The following BMF variants were observed in gnomAD, a reference collection of about 807,000 sequenced individuals.
BMF encodes the protein Bcl2 modifying factor, also known as bcl-2-modifying factor.
In BMF, 10 loss-of-function variants were observed where a neutral mutation model predicts 22.0. That is an observed-to-expected ratio of 0.45 (90% CI 0.28 to 0.77). The LOEUF (loss-of-function observed/expected upper bound fraction) is 0.77, where lower values mean the gene tolerates loss of function less well. Among genes scored for constraint, BMF ranks in the 30% least tolerant of loss-of-function variants. The pLI, the probability that BMF is intolerant of heterozygous loss-of-function variation, is 0.13. For synonymous variants in BMF, 87 were observed against 88.1 expected (o/e 0.99, Z 0.07); for missense variants, 206 against 226.8 (o/e 0.91, Z 0.59).
chr15:40,100,164 T>C (rs1297980676), intron 4 of BMF, among the ~76,000 whole-genome samples: 2 of 152,188 alleles, frequency 1.3e-5, no homozygotes, highest in African/African-American at 2.4e-5. Context: ...CCAAATGTCA[T>C]GATGGGCCAC....
intron 4 of BMF, among the ~76,000 whole-genome samples, chr15:40,100,991 GCCT>G (rs1375506514): frequency 3.3e-5 from 5 of 152,278 alleles, no homozygotes; most frequent in Non-Finnish European, 4.4e-5. Flanking sequence ...TGACGGTCAG[GCCT>G]CCTCAAGTCC....
intron 1 of BMF, 108 bp from the exon 2 acceptor site, chr15:40,108,494 G>GT (rs1177528507): frequency 6.5e-6 from 1 of 152,692 alleles, no homozygotes; most frequent in Non-Finnish European, 1.5e-5. Context: ...GGGCGCCCAG[G>GT]TCTGCTCAGC....
At chr15:40,102,593 T>G (rs2036502097) in intron 4 of BMF, among the ~76,000 whole-genome samples, 1 of 152,066 alleles carries the variant, frequency 6.6e-6, no homozygotes, top group Non-Finnish European at 1.5e-5. Context: ...GGGAATATTC[T>G]GGGGAATAAC....
chr15:40,103,959 G>A (rs1472876303), intron 4 of BMF, among the ~76,000 whole-genome samples: 1 of 152,194 alleles, frequency 6.6e-6, no homozygotes, highest in Non-Finnish European at 1.5e-5. Flanking sequence ...TATGGAACAT[G>A]AATTGAGACT....
intron 3 of BMF, among the ~76,000 whole-genome samples, chr15:40,105,119 C>T (rs1210708713): frequency 2.0e-5 from 3 of 152,222 alleles, no homozygotes; most frequent in Non-Finnish European, 2.9e-5. Context: ...TCAATCAGCT[C>T]GTCAGACACA....
In BMF at chr15:40,106,099, G is replaced by A. The variant is rs1459424068; in HGVS notation, c.-5-8C>T. On this transcript the variant is annotated splice_polypyrimidine_tract_variant and splice_region_variant and intron_variant, in intron 2 of 4. Transcript: ENST00000354670. This position sits in a 1 kb window ranked among gnomAD's most constrained non-coding sequence, Gnocchi z 4.1. ...GAGATGGCTCCATCTCTCCTGTGAG[G>A]GGGCAACGCAGGCATCTGGGCTGCT... 5.1e-6 allele frequency: 8 copies of A among 1,581,962 alleles called. No homozygotes were observed. The East Asian group carries it at 1.1e-4, about 22-fold the overall frequency.
chr15:40,091,394 A>G lies in BMF; in HGVS notation c.*393T>C, dbSNP rs964471845. The G allele has an allele frequency of 1.2e-5, 2 of 164,980 alleles. No individual in the cohort carries two copies. The highest frequency in any genetic ancestry group is 2.6e-5 in the Non-Finnish European group (2 of 75,760). 10.2% of individuals were successfully genotyped at this position (164,980 alleles called of 1,614,324 possible). ...ATAGGTTTGGTGGAACTGGGAGTCT[A>G]ATCCACTCTCGATTTCTTAACTGAG... is the stretch of plus-strand genomic sequence containing the variant. On this transcript the variant is annotated 3_prime_UTR_variant, in exon 5 of 5. Coordinates refer to ENST00000354670, the MANE Select transcript of BMF (RefSeq NM_001003940.2).
intron 4 of BMF, among the ~76,000 whole-genome samples, chr15:40,101,972 T>G (rs930929673): frequency 1.3e-5 from 2 of 152,158 alleles, no homozygotes; most frequent in African/African-American, 4.8e-5. Context: ...TGGGAGCCAG[T>G]GTGGAGTAAG....
Position 40,091,664 on chromosome 15 carries a change from A to C in BMF, c.*123T>G. 1 of 762,940 alleles carries C rather than the reference A, an allele frequency of 1.3e-6. No individual in the cohort carries two copies. Among genetic ancestry groups the C allele is most frequent in the Non-Finnish European group, 2.1e-6 (1 of 469,744 alleles). The allele number at this position is 762,940 out of a possible 1,614,324, so 47.3% of individuals were successfully genotyped here. On this transcript the variant is annotated 3_prime_UTR_variant, in exon 5 of 5. Coordinates refer to ENST00000354670, the MANE Select transcript of BMF (RefSeq NM_001003940.2). ...ATGTACACTCAGAGAGAAATTAAAA[A>C]AAATTAAAACACAAAATAACAACAA... is the stretch of plus-strand genomic sequence containing the variant.
At chr15:40,101,730 C>T (rs2036479758) in intron 4 of BMF, among the ~76,000 whole-genome samples, 1 of 152,172 alleles carries the variant, frequency 6.6e-6, no homozygotes, top group Non-Finnish European at 1.5e-5. Context: ...TTAGCCCTTC[C>T]TGCAGGATGA....
At chr15:40,102,643 C>T (rs954418864) in intron 4 of BMF, among the ~76,000 whole-genome samples, 1 of 152,076 alleles carries the variant, frequency 6.6e-6, no homozygotes, top group African/African-American at 2.4e-5. Flanking sequence ...AAGCAAGCTG[C>T]CTTCCACGGA....
chr15:40,103,030 G>T (rs973583832), intron 4 of BMF, among the ~76,000 whole-genome samples: 2 of 152,146 alleles, frequency 1.3e-5, no homozygotes, highest in Non-Finnish European at 2.9e-5. Context: ...TATGTAACCC[G>T]CAATGTCCTG....
chr15:40,102,605 G>C (rs746746915), intron 4 of BMF, among the ~76,000 whole-genome samples: 1 of 152,016 alleles, frequency 6.6e-6, no homozygotes, highest in Non-Finnish European at 1.5e-5. Flanking sequence ...GGGAATAACT[G>C]GTGAAAGAGA....
intron 4 of BMF, among the ~76,000 whole-genome samples, chr15:40,093,648 G>A (rs1183711091): frequency 1.3e-5 from 2 of 152,206 alleles, no homozygotes; most frequent in Non-Finnish European, 2.9e-5. Context: ...GGAGAATCCA[G>A]GAGCAGACTC....
At chr15:40,107,533 AGT>A (rs58296260) in intron 2 of BMF, among the ~76,000 whole-genome samples, 10,405 of 137,392 alleles carry the variant, frequency 0.076, 531 homozygotes, top group East Asian at 0.3. Context: ...GTGTTTCCCA[AGT>A]GTGTGTGTGT....
At chr15:40,100,713 A>C (rs1251594496) in intron 4 of BMF, among the ~76,000 whole-genome samples, 1 of 152,236 alleles carries the variant, frequency 6.6e-6, no homozygotes, top group African/African-American at 2.4e-5. Flanking sequence ...CTGAAAGTGC[A>C]GATGGCCCAC....
chr15:40,089,926 G>C lies in BMF; in HGVS notation c.*1861C>G, dbSNP rs2036202676. ...AAAGCAGGAACCCGTCTTCTTAGCAGACAAATCATGGTACACACCCTGAGA... is the reference window on the plus strand; with the variant it reads ...AAAGCAGGAACCCGTCTTCTTAGCACACAAATCATGGTACACACCCTGAGA... On this transcript the variant is annotated 3_prime_UTR_variant, in exon 5 of 5. Coordinates refer to ENST00000354670, the MANE Select transcript of BMF (RefSeq NM_001003940.2). 2 of 152,670 alleles carry C rather than the reference G, an allele frequency of 1.3e-5. No individual in the cohort carries two copies. The highest frequency in any genetic ancestry group is 4.8e-5 in the African/African-American group (2 of 41,466). The allele number at this position is 152,670 out of a possible 1,614,324, so 9.5% of individuals were successfully genotyped here.
rs1039303981 is a variant in BMF at position 40,091,234 on chromosome 15, C to G, written c.*553G>C. The G allele has an allele frequency of 6.5e-6, 1 of 152,838 alleles. No homozygotes were observed. The highest frequency in any genetic ancestry group is 2.4e-5 in the African/African-American group (1 of 41,436). The allele number at this position is 152,838 out of a possible 1,614,324, so 9.5% of individuals were successfully genotyped here. Reference sequence around the variant, plus strand: ...GCAGGTACTGGCTGAGAAGTAAGAACCCAGTCAGATGTGGAGCTGGCCGGC... The same window carrying G: ...GCAGGTACTGGCTGAGAAGTAAGAAGCCAGTCAGATGTGGAGCTGGCCGGC... On this transcript the variant is annotated 3_prime_UTR_variant, in exon 5 of 5. Transcript: ENST00000354670.
At position 40,090,376 on chromosome 15, in the gene BMF, T is replaced by C. The variant is rs775157273; in HGVS notation, c.*1411A>G. The C allele has an allele frequency of 1.3e-5, 2 of 152,704 alleles. No homozygotes were observed. The highest frequency in any genetic ancestry group is 2.9e-5 in the Non-Finnish European group (2 of 68,062). 9.5% of individuals were successfully genotyped at this position (152,704 alleles called of 1,614,324 possible). A position where few individuals can be genotyped will look rare whatever the true frequency, so the allele number is the denominator to read the frequency against. On this transcript the variant is annotated 3_prime_UTR_variant, in exon 5 of 5. Transcript: ENST00000354670. Reference sequence around the variant, plus strand: ...TTTGTCCAGGGAAGCCGTCTTTCCTTTGGGCCTTACTTCACTGTTAGCACC... The same window carrying C: ...TTTGTCCAGGGAAGCCGTCTTTCCTCTGGGCCTTACTTCACTGTTAGCACC...
Sources: allele counts gnomAD v4.1 joint callset (sites outside exome capture counted in the v4.1 genomes callset), GRCh38; gene constraint gnomAD v4.1.1; non-coding constraint Gnocchi (gnomAD v3.1); transcripts MANE v1.5; gene names NCBI Gene and HGNC (gene_info 2026-07-23, HGNC 2026-07-21).